RAB31: variants seen among roughly 807,000 people sequenced by gnomAD.
RAB31 encodes ras-related protein Rab-31.
A neutral mutation model predicts 25.6 loss-of-function variants in RAB31; 21 were observed. The ratio of observed to expected loss-of-function variants is 0.82; its 90% confidence interval spans 0.58 to 1.18. The LOEUF (loss-of-function observed/expected upper bound fraction) is 1.18. Ranked by LOEUF, RAB31 falls within the 50% of genes most tolerant of loss-of-function variation. RAB31 has a pLI of 0.00. For missense variants in RAB31, 196 were observed against 250.1 expected (o/e 0.78, Z 1.46); for synonymous variants, 87 against 84.0 (o/e 1.04, Z -0.20).
rs1050382093 is a variant in RAB31 at position 9,766,325 on chromosome 18, C to T, written c.40-8953C>T. The stretch of plus-strand genomic sequence containing the variant: ...TCTCTGCATCTGCGAGCTCCATCTG[C>T]CCCCGGAGTGGGTGAGCCAGGCAAG... On this transcript the variant is annotated intron_variant, in intron 1 of 6. Coordinates refer to ENST00000578921, the MANE Select transcript of RAB31 (RefSeq NM_006868.4). The surrounding 1 kb of genome is among the most constrained non-coding windows in gnomAD (Gnocchi z 4.3). 8.5e-5 allele frequency among the ~76,000 whole-genome samples: 13 copies of T among 152,204 alleles called. No homozygotes were observed. Among genetic ancestry groups the T allele is most frequent in the Non-Finnish European group, 1.6e-4 (11 of 68,038 alleles).
chr18:9,740,314 C>T (rs1191120966), intron 1 of RAB31, among the ~76,000 whole-genome samples: 1 of 152,226 alleles, frequency 6.6e-6, no homozygotes, highest in African/African-American at 2.4e-5. Context: ...CTAACGCTTC[C>T]AGTGAAACAA....
intron 1 of RAB31, among the ~76,000 whole-genome samples, chr18:9,745,592 A>T (rs754010241): frequency 2.6e-4 from 40 of 152,234 alleles, no homozygotes; most frequent in Non-Finnish European, 7.3e-5. Context: ...CACCATGACC[A>T]GATGGGGTTT....
chr18:9,750,665 T>C (rs8091737), intron 1 of RAB31, among the ~76,000 whole-genome samples: 71,206 of 151,888 alleles, frequency 0.47, 16,851 homozygotes, highest in South Asian at 0.52. Flanking sequence ...GGTGCTGAGG[T>C]TGTAGAGTCA....
intron 1 of RAB31, among the ~76,000 whole-genome samples, chr18:9,763,995 A>G (rs936134832): frequency 4.6e-5 from 7 of 152,192 alleles, no homozygotes; most frequent in Non-Finnish European, 1.0e-4. Flanking sequence ...AAGTTTTCCT[A>G]TGGAAACAAT....
rs1206502488 is a variant in RAB31, at chr18:9,708,559, C to T, written c.39+115C>T. 2 of 913,684 alleles carry T rather than the reference C, an allele frequency of 2.2e-6. No individual in the cohort carries two copies. Among genetic ancestry groups the T allele is most frequent in the Non-Finnish European group, 3.0e-6 (2 of 656,758 alleles). The allele number at this position is 913,684 out of a possible 1,614,324, so 56.6% of individuals were successfully genotyped here. A position where few individuals can be genotyped will look rare whatever the true frequency, so the allele number is the denominator to read the frequency against. ...ATCCCCTCGCTCTCCGCACCCCTCTCGTAGCCCCCGTCCCCCTCGTCCGCG... is the reference window on the plus strand; with the variant it reads ...ATCCCCTCGCTCTCCGCACCCCTCTTGTAGCCCCCGTCCCCCTCGTCCGCG... On this transcript the variant is annotated intron_variant, in intron 1 of 6. Transcript: ENST00000578921. The surrounding 1 kb of genome is among the most constrained non-coding windows in gnomAD (Gnocchi z 6.4).
intron 1 of RAB31, among the ~76,000 whole-genome samples, chr18:9,713,254 G>C (rs1243336471): frequency 2.0e-5 from 3 of 152,286 alleles, no homozygotes; most frequent in African/African-American, 7.2e-5. Flanking sequence ...TTCCAAGTCT[G>C]AGATTCTAGT....
intron 1 of RAB31, among the ~76,000 whole-genome samples, chr18:9,752,115 T>C (rs2068238139): frequency 6.6e-6 from 1 of 152,192 alleles, no homozygotes; most frequent in African/African-American, 2.4e-5. Context: ...ACAGCTTTGT[T>C]TCTGTGTGTT....
intron 1 of RAB31, among the ~76,000 whole-genome samples, chr18:9,746,581 GGAAATAGAATTGA>G (rs1239348728): frequency 6.6e-6 from 1 of 152,052 alleles, no homozygotes; most frequent in Admixed American, 6.6e-5. Context: ...TACAGACCAA[GGAAATAGAATTGA>G]GATTTCAGAA....
At chr18:9,784,162 G>T (rs1388000811) in intron 2 of RAB31, among the ~76,000 whole-genome samples, 3 of 151,832 alleles carry the variant, frequency 2.0e-5, no homozygotes, top group Non-Finnish European at 4.4e-5. Context: ...TCAGCTTCCT[G>T]AGTAGCTGGG....
chr18:9,771,675 G>A (rs1189911426), intron 1 of RAB31, among the ~76,000 whole-genome samples: 1 of 152,208 alleles, frequency 6.6e-6, no homozygotes, highest in African/African-American at 2.4e-5. Flanking sequence ...GCCCCTGGTG[G>A]CCAGCCGAGG....
chr18:9,784,697 C>T (rs2068422941), intron 2 of RAB31, among the ~76,000 whole-genome samples: 1 of 151,814 alleles, frequency 6.6e-6, no homozygotes, highest in Admixed American at 6.6e-5. Flanking sequence ...GGATTACAGG[C>T]ACACACCACC....
At chr18:9,798,602 T>C (rs1019314755) in intron 3 of RAB31, among the ~76,000 whole-genome samples, 30 of 146,304 alleles carry the variant, frequency 2.1e-4, no homozygotes, top group African/African-American at 7.1e-4. Context: ...CAGATTTCTT[T>C]TTTTCTTTCT....
intron 6 of RAB31, 57 bp downstream of exon 6, chr18:9,845,748 C>T: frequency 6.7e-7 from 1 of 1,487,832 alleles, no homozygotes; most frequent in Non-Finnish European, 8.9e-7. Flanking sequence ...TTCTGGGAGT[C>T]AAAGGATAAC....
intron 1 of RAB31, among the ~76,000 whole-genome samples, chr18:9,729,955 A>G (rs1025535228): frequency 1.3e-5 from 2 of 152,224 alleles, no homozygotes; most frequent in African/African-American, 4.8e-5. Context: ...GTTGAATGAC[A>G]GATCTAAAGA....
chr18:9,765,251 G>A (rs1353490728), intron 1 of RAB31, among the ~76,000 whole-genome samples: 2 of 152,156 alleles, frequency 1.3e-5, no homozygotes, highest in Admixed American at 6.5e-5. Context: ...ACCACACCCG[G>A]CTGCCCAGAG....
chr18:9,812,071 A>T (rs1166256959), intron 3 of RAB31, among the ~76,000 whole-genome samples: 1 of 152,130 alleles, frequency 6.6e-6, no homozygotes, highest in African/African-American at 2.4e-5. Context: ...TGTATCTCAC[A>T]TAGGGGCAGG....
At chr18:9,734,209 C>T (rs1399746648) in intron 1 of RAB31, among the ~76,000 whole-genome samples, 5 of 152,088 alleles carry the variant, frequency 3.3e-5, no homozygotes, top group East Asian at 3.9e-4. Context: ...TGACACTGGA[C>T]GAACTCCTTC....
At chr18:9,847,968 C>T (rs2068769961) in intron 6 of RAB31, among the ~76,000 whole-genome samples, 1 of 152,082 alleles carries the variant, frequency 6.6e-6, no homozygotes, top group Non-Finnish European at 1.5e-5. Context: ...TCTTGGTGGT[C>T]TACTTTATGA....
At chr18:9,763,600 TTA>T (rs57545209) in intron 1 of RAB31, among the ~76,000 whole-genome samples, 12,547 of 141,600 alleles carry the variant, frequency 0.089, 839 homozygotes, top group African/African-American at 0.17. Context: ...AAGAAAAAAA[TTA>T]TATATATATA....
Sources: allele counts gnomAD v4.1 joint callset (sites outside exome capture counted in the v4.1 genomes callset), GRCh38; gene constraint gnomAD v4.1.1; non-coding constraint Gnocchi (gnomAD v3.1); transcripts MANE v1.5; gene names NCBI Gene and HGNC (gene_info 2026-07-23, HGNC 2026-07-21).